Variants in ABHD12 observed in about 807,000 individuals in gnomAD.
The protein encoded by ABHD12 is abhydrolase domain containing 12, lysophospholipase, also known as lysophosphatidylserine lipase ABHD12.
Under a neutral mutation model 58.3 loss-of-function variants are expected in ABHD12, and 43 were observed. The observed-to-expected ratio is 0.74, with a 90% CI of 0.58 to 0.95. The LOEUF (loss-of-function observed/expected upper bound fraction) is 0.95, where lower values mean the gene tolerates loss of function less well. Ranked by LOEUF, ABHD12 falls within the 40% of genes least tolerant of loss-of-function variation. The pLI is 0.00. For missense variants in ABHD12, 539 were observed against 537.2 expected (o/e 1.00, Z -0.03); for synonymous variants, 219 against 211.2 (o/e 1.04, Z -0.32).
chr20:25,317,065 G>A lies in ABHD12; in HGVS notation c.556C>T (p.Arg186Cys), dbSNP rs762166044. 1.6e-5 allele frequency: 26 copies of A among 1,612,446 alleles called. No homozygotes were observed. Among genetic ancestry groups the A allele is most frequent in the East Asian group, 6.7e-5 (3 of 44,872 alleles). Residue 186 changes from arginine (R) to cysteine (C), a missense_variant, in exon 5 of 13, where the codon CGC becomes TGC. Arg to Cys is a radical substitution (Grantham distance 180, BLOSUM62 -3). Transcript: ENST00000339157. ...GCACTCACCTTGTAAAGCTCCACGC[G>A]GTGGTCGCCTCCTCTGGAGAAGAAA... ...GNAGTRGGDH[R>C]VELYKVLSSL...
intron 1 of ABHD12, among the ~76,000 whole-genome samples, chr20:25,387,910 G>A (rs533421822): frequency 6.6e-6 from 1 of 151,546 alleles, no homozygotes; most frequent in East Asian, 1.9e-4. Context: ...GCACGGTGAC[G>A]GGCGCCTGTA....
intron 1 of ABHD12, among the ~76,000 whole-genome samples, chr20:25,356,202 T>C (rs1302833011): frequency 2.0e-5 from 3 of 152,110 alleles, no homozygotes; most frequent in African/African-American, 7.2e-5. Flanking sequence ...ACATCCAGGG[T>C]CAGACATTTA....
At position 25,308,453 on chromosome 20, in the gene ABHD12, T is replaced by C. The variant is rs1239184028; in HGVS notation, c.787+4A>G. 6.2e-7 allele frequency: 1 copy of C among 1,611,354 alleles called. No individual in the cohort carries two copies. The highest frequency in any genetic ancestry group is 8.5e-7 in the Non-Finnish European group (1 of 1,179,050). ...CCACGGCTGGGGCCCAACAAGGCACTCACCTCGCTCACAGAGGCGCCGCAC... is the reference window on the plus strand; with the variant it reads ...CCACGGCTGGGGCCCAACAAGGCACCCACCTCGCTCACAGAGGCGCCGCAC... On this transcript the variant is annotated splice_donor_region_variant and intron_variant, in intron 8 of 12. Transcript: ENST00000339157.
At chr20:25,307,038 G>A (rs2088757233) in intron 9 of ABHD12, 123 bp from the exon 10 acceptor site, 2 of 732,108 alleles carry the variant, frequency 2.7e-6, no homozygotes, top group Admixed American at 2.0e-5. Context: ...CCTACCTAAG[G>A]GAGCAGGGGT....
chr20:25,344,020 A>T (rs2089487704), intron 1 of ABHD12, among the ~76,000 whole-genome samples: 1 of 152,204 alleles, frequency 6.6e-6, no homozygotes, highest in South Asian at 2.1e-4. Context: ...AAGAAAAATC[A>T]CATGATCATA....
At chr20:25,299,651 T>C (rs1214052771), downstream of ABHD12, among the ~76,000 whole-genome samples, 2 of 152,122 alleles carry the variant, frequency 1.3e-5, no homozygotes, top group Non-Finnish European at 2.9e-5. Context: ...GCTGCCTGGC[T>C]CCCCTAGGGG....
intron 1 of ABHD12, among the ~76,000 whole-genome samples, chr20:25,374,163 T>C (rs1158474583): frequency 6.6e-6 from 1 of 152,090 alleles, no homozygotes; most frequent in African/African-American, 2.4e-5. Context: ...TGGGCTCAAG[T>C]GATCCTCCTT....
At chr20:25,340,231 A>G (rs1320823557) in intron 1 of ABHD12, among the ~76,000 whole-genome samples, 2 of 152,284 alleles carry the variant, frequency 1.3e-5, no homozygotes, top group Non-Finnish European at 2.9e-5. Flanking sequence ...TCATCTAATA[A>G]TAACAATCCA....
rs145215843 is a variant in ABHD12 at position 25,328,919 on chromosome 20, G to A, written c.317-5489C>T. 2.8e-3 allele frequency among the ~76,000 whole-genome samples: 427 copies of A among 152,276 alleles called. 1 individual carries two copies. The highest frequency in any genetic ancestry group is 6.8e-3 in the Middle Eastern group (2 of 294). ...CCCAGGGATCACACAGCCCCAGAGCGGGGTGGCTGTAGGAACCCCGTGGCC... is the reference window on the plus strand; with the variant it reads ...CCCAGGGATCACACAGCCCCAGAGCAGGGTGGCTGTAGGAACCCCGTGGCC... On this transcript the variant is annotated intron_variant, in intron 2 of 12. Transcript: ENST00000339157.
chr20:25,361,411 T>G (rs896286755), intron 1 of ABHD12, among the ~76,000 whole-genome samples: 10 of 152,242 alleles, frequency 6.6e-5, no homozygotes, highest in Non-Finnish European at 1.2e-4. Flanking sequence ...TTTGTTTTTT[T>G]TTGAGACAGA....
Position 25,318,604 on chromosome 20 carries a change from G to C in ABHD12, c.543-1526C>G, listed in dbSNP as rs564198590. ...CAGGCAGTCTCTGCAGGATTGGGAG[G>C]GGGCAGCAAACACTGAAAGTCACGG... is the stretch of plus-strand genomic sequence containing the variant. On this transcript the variant is annotated intron_variant, in intron 4 of 12. Coordinates refer to ENST00000339157, the MANE Select transcript of ABHD12 (RefSeq NM_001042472.3). Among the ~76,000 whole-genome samples, 6 of 152,042 alleles carry C rather than the reference G, an allele frequency of 3.9e-5. No homozygotes were observed. In the East Asian group the frequency reaches 7.7e-4, roughly 20 times the overall value.
At chr20:25,296,636 A>G (rs200330727), downstream of ABHD12, 12 of 1,379,576 alleles carry the variant, frequency 8.7e-6, no homozygotes, top group Non-Finnish European at 8.8e-6. Flanking sequence ...TCTGAGTACC[A>G]TGTTTCCAGG....
At chr20:25,386,045 G>A (rs1042964193) in intron 1 of ABHD12, among the ~76,000 whole-genome samples, 3 of 151,762 alleles carry the variant, frequency 2.0e-5, no homozygotes, top group African/African-American at 7.3e-5. Flanking sequence ...AGCTTGCAGT[G>A]AGCCAAGATC....
intron 1 of ABHD12, among the ~76,000 whole-genome samples, chr20:25,341,835 G>T (rs956013910): frequency 2.6e-5 from 4 of 151,994 alleles, no homozygotes; most frequent in Non-Finnish European, 5.9e-5. Flanking sequence ...CCATTAAAAA[G>T]AAAAAAGCCT....
chr20:25,302,814 T>C lies in ABHD12; in HGVS notation c.1030-468A>G, dbSNP rs736358. Among the ~76,000 whole-genome samples the C allele has an allele frequency of 6.9e-3, 1,054 of 152,260 alleles. 5 individuals are homozygous for C. The highest frequency in any genetic ancestry group is 0.02 in the Middle Eastern group (6 of 294). The stretch of plus-strand genomic sequence containing the variant: ...GGCTCTGCATTCTGCCCCTGCCCTG[T>C]GTGGCTCCGTCATCTGTGTGCCTTA... On this transcript the variant is annotated intron_variant, in intron 11 of 12. Coordinates refer to ENST00000339157, the MANE Select transcript of ABHD12 (RefSeq NM_001042472.3).
intron 1 of ABHD12, among the ~76,000 whole-genome samples, chr20:25,388,929 C>T (rs1374089363): frequency 2.0e-5 from 3 of 151,802 alleles, no homozygotes; most frequent in Non-Finnish European, 2.9e-5. Flanking sequence ...CTCAGCCTCC[C>T]GAGTAGCTGG....
chr20:25,356,289 T>TA (rs2089667370), intron 1 of ABHD12, among the ~76,000 whole-genome samples: 1 of 152,328 alleles, frequency 6.6e-6, no homozygotes, highest in South Asian at 2.1e-4. Flanking sequence ...CAGGGCTCCT[T>TA]AGGTTGCCAC....
At chr20:25,384,321 A>G (rs2090060451) in intron 1 of ABHD12, among the ~76,000 whole-genome samples, 1 of 151,298 alleles carries the variant, frequency 6.6e-6, no homozygotes, top group African/African-American at 2.4e-5. Context: ...AAACAAAAAA[A>G]ACTGGTTTGG....
chr20:25,338,229 C>G (rs1382702884), intron 2 of ABHD12, among the ~76,000 whole-genome samples: 1 of 152,142 alleles, frequency 6.6e-6, no homozygotes, highest in Non-Finnish European at 1.5e-5. Context: ...CCTCCTCCTC[C>G]CACTCCACCA....
Sources: allele counts gnomAD v4.1 joint callset (sites outside exome capture counted in the v4.1 genomes callset), GRCh38; gene constraint gnomAD v4.1.1; transcripts MANE v1.5; gene names NCBI Gene and HGNC (gene_info 2026-07-23, HGNC 2026-07-21).